KCNH8: variants seen among roughly 807,000 people sequenced by gnomAD.
The protein encoded by KCNH8 is potassium voltage-gated channel subfamily H member 8, also known as voltage-gated delayed rectifier potassium channel KCNH8.
KCNH8 carries 70 observed loss-of-function variants against 103.6 expected under a neutral mutation model. That is an observed-to-expected ratio of 0.68 (90% confidence interval 0.56 to 0.82). The LOEUF (loss-of-function observed/expected upper bound fraction) is 0.82. KCNH8 is among the 40% of genes least tolerant of loss of function. The pLI, the probability that KCNH8 is intolerant of heterozygous loss-of-function variation, is 0.00. For synonymous variants in KCNH8, 498 were observed against 489.4 expected (o/e 1.02, Z -0.23); for missense variants, 1,217 against 1,329.9 (o/e 0.92, Z 1.32).
At chr3:19,186,880 G>C (rs975361023) in intron 1 of KCNH8, among the ~76,000 whole-genome samples, 1 of 151,966 alleles carries the variant, frequency 6.6e-6, no homozygotes, top group African/African-American at 2.4e-5. Context: ...TCTTAAGCAA[G>C]GATTGTCAAA....
intron 2 of KCNH8, among the ~76,000 whole-genome samples, chr3:19,271,534 TA>T (rs2064588353): frequency 2.0e-5 from 3 of 152,180 alleles, no homozygotes. Context: ...ATATTAAAAC[TA>T]AACCATAATT....
chr3:19,416,449 A>T (rs996801878), intron 7 of KCNH8, among the ~76,000 whole-genome samples: 1 of 152,156 alleles, frequency 6.6e-6, no homozygotes, highest in African/African-American at 2.4e-5. Context: ...TTCTGAATTG[A>T]AGTTAAATAT....
chr3:19,205,184 A>G (rs952032180), intron 1 of KCNH8, among the ~76,000 whole-genome samples: 1 of 151,984 alleles, frequency 6.6e-6, no homozygotes, highest in South Asian at 2.1e-4. Context: ...TATCTAACTA[A>G]TAGTTGATAA....
rs192556960 is a variant in KCNH8 at position 19,529,046 on chromosome 3, C to T, written c.2620-4349C>T. ...AGGGCAGAGGAGAAGAGCCCGCAGT[C>T]AGAAGGAATAGCATGCACCAGGGCA... On this transcript the variant is annotated intron_variant, in intron 15 of 15. Coordinates refer to ENST00000328405, the MANE Select transcript of KCNH8 (RefSeq NM_144633.3). 3.4e-3 allele frequency among the ~76,000 whole-genome samples: 513 copies of T among 152,154 alleles called. 9 individuals carry two copies. Among genetic ancestry groups the T allele is most frequent in the Admixed American group, 0.027 (405 of 15,274 alleles).
chr3:19,352,750 T>C (rs2065821701), intron 5 of KCNH8, among the ~76,000 whole-genome samples: 1 of 151,330 alleles, frequency 6.6e-6, no homozygotes, highest in African/African-American at 2.4e-5. Context: ...AGAGGGAAAT[T>C]TATAGCACTA....
chr3:19,209,248 G>T (rs1012166602), intron 1 of KCNH8, among the ~76,000 whole-genome samples: 1 of 151,908 alleles, frequency 6.6e-6, no homozygotes, highest in Non-Finnish European at 1.5e-5. Flanking sequence ...TTACTTAAAA[G>T]GATTCACAAT....
intron 1 of KCNH8, among the ~76,000 whole-genome samples, chr3:19,190,289 T>C (rs1312804838): frequency 6.6e-6 from 1 of 151,992 alleles, no homozygotes; most frequent in African/African-American, 2.4e-5. Flanking sequence ...GCTGTTCTTC[T>C]TGATAACAAA....
At chr3:19,518,130 G>C (rs1261776932) in intron 15 of KCNH8, 56 bp downstream of exon 15, 8 of 1,367,844 alleles carry the variant, frequency 5.8e-6, no homozygotes, top group African/African-American at 1.4e-5. Flanking sequence ...ATAAATCCTA[G>C]TTACTCGCAG....
chr3:19,492,741 G>A (rs2068350136), intron 11 of KCNH8, among the ~76,000 whole-genome samples: 1 of 151,980 alleles, frequency 6.6e-6, no homozygotes, highest in African/African-American at 2.4e-5. Context: ...AGTTCAATAG[G>A]AGTAGCACTG....
chr3:19,418,951 G>T (rs867130214), intron 7 of KCNH8, among the ~76,000 whole-genome samples: 11 of 152,156 alleles, frequency 7.2e-5, no homozygotes, highest in Middle Eastern at 3.4e-3. Flanking sequence ...ACAGGGTTTT[G>T]GCATTTATAA....
intron 1 of KCNH8, among the ~76,000 whole-genome samples, chr3:19,179,847 C>T (rs540860156): frequency 9.2e-5 from 14 of 151,966 alleles, no homozygotes; most frequent in African/African-American, 3.1e-4. Context: ...AAATGACATT[C>T]GTGGTGGTTT....
At chr3:19,498,085 G>T (rs192650242) in intron 11 of KCNH8, among the ~76,000 whole-genome samples, 34 of 152,224 alleles carry the variant, frequency 2.2e-4, no homozygotes, top group Non-Finnish European at 3.8e-4. Flanking sequence ...TTTTCCATTT[G>T]CTTGGTAGAT....
chr3:19,284,740 A>G (rs936475511), intron 3 of KCNH8, among the ~76,000 whole-genome samples: 1 of 151,976 alleles, frequency 6.6e-6, no homozygotes, highest in Admixed American at 6.6e-5. Context: ...GGCCCTGTTT[A>G]TATCTTTCGG....
chr3:19,499,445 C>A (rs1302820751), intron 11 of KCNH8, among the ~76,000 whole-genome samples: 1 of 152,094 alleles, frequency 6.6e-6, no homozygotes, highest in Non-Finnish European at 1.5e-5. Flanking sequence ...GAGAACACCA[C>A]AAAGATACTC....
intron 1 of KCNH8, among the ~76,000 whole-genome samples, chr3:19,224,542 A>T (rs910469926): frequency 2.0e-5 from 3 of 147,748 alleles, no homozygotes; most frequent in Non-Finnish European, 4.5e-5. Context: ...ATTAAGGAGG[A>T]TGTACTTTGT....
At chr3:19,500,190 G>C (rs1265825304) in intron 11 of KCNH8, among the ~76,000 whole-genome samples, 1 of 152,164 alleles carries the variant, frequency 6.6e-6, no homozygotes, top group African/African-American at 2.4e-5. Context: ...AAGAGACAAA[G>C]AACGCCATTA....
At chr3:19,246,786 G>A (rs953869077) in intron 1 of KCNH8, among the ~76,000 whole-genome samples, 1 of 152,086 alleles carries the variant, frequency 6.6e-6, no homozygotes, top group African/African-American at 2.4e-5. Context: ...TTGTTAAAAT[G>A]TGGGTTAAGT....
chr3:19,272,098 C>T (rs543158038), intron 2 of KCNH8, among the ~76,000 whole-genome samples: 22 of 152,008 alleles, frequency 1.4e-4, no homozygotes, highest in Admixed American at 1.2e-3. Flanking sequence ...ATTGAATGAA[C>T]GTAATTCCTT....
intron 2 of KCNH8, 24 bp downstream of exon 2, chr3:19,253,911 C>T (rs1283850569): frequency 1.3e-6 from 2 of 1,537,510 alleles, no homozygotes; most frequent in African/African-American, 2.7e-5. Context: ...CTTTCGTGCT[C>T]ACTGGAGAGT....
Sources: allele counts gnomAD v4.1 joint callset (sites outside exome capture counted in the v4.1 genomes callset), GRCh38; gene constraint gnomAD v4.1.1; transcripts MANE v1.5; gene names NCBI Gene and HGNC (gene_info 2026-07-23, HGNC 2026-07-21).